Variants in BLOC1S5 observed in about 807,000 individuals in gnomAD.
The protein encoded by BLOC1S5 is biogenesis of lysosome-related organelles complex 1 subunit 5.
BLOC1S5 carries 27 observed loss-of-function variants against 24.3 expected under a neutral mutation model. The ratio of observed to expected loss-of-function variants is 1.11; its 90% CI spans 0.82 to 1.53. The LOEUF (loss-of-function observed/expected upper bound fraction) is 1.53. Among genes scored for constraint, BLOC1S5 ranks in the 40% most tolerant of loss-of-function variants. BLOC1S5 has a pLI of 0.00. For missense variants in BLOC1S5, 239 were observed against 229.4 expected, an observed-to-expected ratio of 1.04 and a Z score of -0.27; for synonymous variants, 84 against 74.5, an observed-to-expected ratio of 1.13 and a Z score of -0.66.
At chr6:8,026,332 G>T (rs1305887716) in intron 4 of BLOC1S5, 35 bp downstream of exon 4, 4 of 1,504,048 alleles carry the variant, frequency 2.7e-6, no homozygotes, top group East Asian at 4.5e-5. Context: ...AAAGATGCAA[G>T]AATTATATGC....
intron 4 of BLOC1S5, among the ~76,000 whole-genome samples, chr6:8,019,217 C>T (rs2057187): frequency 0.41 from 61,566 of 151,652 alleles, 13,937 homozygotes; most frequent in East Asian, 0.78. Flanking sequence ...AGTCACTCCA[C>T]GCTATCGTTT....
chr6:8,018,446 A>G (rs747299823), intron 4 of BLOC1S5, among the ~76,000 whole-genome samples: 19 of 152,358 alleles, frequency 1.2e-4, no homozygotes, highest in Admixed American at 2.6e-4. Flanking sequence ...ATGGAAAGTC[A>G]TCATTGGCTC....
intron 2 of BLOC1S5, among the ~76,000 whole-genome samples, chr6:8,053,674 C>T (rs777499831): frequency 6.6e-6 from 1 of 152,124 alleles, no homozygotes; most frequent in Non-Finnish European, 1.5e-5. Flanking sequence ...AGGCCTGTAA[C>T]CAAACCCACA....
intron 2 of BLOC1S5, among the ~76,000 whole-genome samples, chr6:8,052,406 C>T (rs1459474103): frequency 6.6e-6 from 1 of 152,178 alleles, no homozygotes; most frequent in African/African-American, 2.4e-5. Flanking sequence ...TGAAGACCTT[C>T]TGGAAAGGAT....
At chr6:8,044,708 G>C (rs1379792852) in intron 2 of BLOC1S5, among the ~76,000 whole-genome samples, 1 of 152,228 alleles carries the variant, frequency 6.6e-6, no homozygotes, top group Non-Finnish European at 1.5e-5. Context: ...GGTGACTCTT[G>C]TTATGCTTTA....
At chr6:8,052,803 G>C (rs770922942) in intron 2 of BLOC1S5, among the ~76,000 whole-genome samples, 14 of 151,966 alleles carry the variant, frequency 9.2e-5, no homozygotes, top group Non-Finnish European at 1.9e-4. Flanking sequence ...GCTGAGGGAG[G>C]AGAACGGCGT....
Position 8,015,407 on chromosome 6 carries a change from A to AT in BLOC1S5, c.*241dup, listed in dbSNP as rs2113500946. The AT allele has an allele frequency of 9.2e-6, 4 of 436,114 alleles. No homozygotes were observed. In the South Asian group the frequency reaches 1.5e-4, roughly 16 times the overall value. The allele number at this position is 436,114 out of a possible 1,614,324, so 27.0% of individuals were successfully genotyped here. ...GACTAACAAAGAGTATATTGATTCC[A>AT]TTTTCCTTCCTACTCCTCTTCATTC... On this transcript the variant is annotated 3_prime_UTR_variant, in exon 5 of 5. Coordinates refer to ENST00000397457, the MANE Select transcript of BLOC1S5 (RefSeq NM_201280.3).
intron 4 of BLOC1S5, among the ~76,000 whole-genome samples, chr6:8,017,000 G>A (rs1762763625): frequency 6.6e-6 from 1 of 151,488 alleles, no homozygotes; most frequent in Admixed American, 6.6e-5. Flanking sequence ...TGCTATATAA[G>A]GATGAAAGGT....
chr6:8,051,218 G>C (rs66981710), intron 2 of BLOC1S5, among the ~76,000 whole-genome samples: 1 of 151,480 alleles, frequency 6.6e-6, no homozygotes, highest in African/African-American at 2.4e-5. Flanking sequence ...GTGAACACAC[G>C]AATGATAAGA....
At chr6:8,027,622 T>G (rs1193394755) in intron 3 of BLOC1S5, among the ~76,000 whole-genome samples, 1 of 152,144 alleles carries the variant, frequency 6.6e-6, no homozygotes, top group Non-Finnish European at 1.5e-5. Flanking sequence ...TCACCTGAAG[T>G]CAGGAGTTCG....
rs535625940 is a variant in BLOC1S5, at chr6:8,026,935, T to C, written c.326-510A>G. Among the ~76,000 whole-genome samples, 190 of 152,330 alleles carry C rather than the reference T, an allele frequency of 1.2e-3. 2 individuals carry two copies. The South Asian group carries it at 0.021, about 17-fold the overall frequency. ...TATGTATTATCCCTCTTAATCCCAC[T>C]TTCCTATCAGGAAATGATCACTATT... is the stretch of plus-strand genomic sequence containing the variant. On this transcript the variant is annotated intron_variant, in intron 3 of 4. Coordinates refer to ENST00000397457, the MANE Select transcript of BLOC1S5 (RefSeq NM_201280.3).
chr6:8,019,028 A>G (rs1762830138), intron 4 of BLOC1S5, among the ~76,000 whole-genome samples: 1 of 152,250 alleles, frequency 6.6e-6, no homozygotes, highest in Admixed American at 6.5e-5. Context: ...GCCAAAGATC[A>G]GTATTTCTAT....
At chr6:8,026,752 T>TAA (rs1763121777) in intron 3 of BLOC1S5, among the ~76,000 whole-genome samples, 1 of 152,222 alleles carries the variant, frequency 6.6e-6, no homozygotes, top group Non-Finnish European at 1.5e-5. Context: ...AACAACTTTC[T>TAA]ACTATTCTTG....
At chr6:8,055,170 G>A (rs1764265951) in intron 2 of BLOC1S5, among the ~76,000 whole-genome samples, 1 of 152,156 alleles carries the variant, frequency 6.6e-6, no homozygotes, top group Admixed American at 6.5e-5. Flanking sequence ...GGTGGCTCAC[G>A]CCTGTAATCC....
Position 8,053,108 on chromosome 6 carries a change from A to G in BLOC1S5, c.195+9426T>C, listed in dbSNP as rs140194701. On this transcript the variant is annotated intron_variant, in intron 2 of 4. Coordinates refer to ENST00000397457, the MANE Select transcript of BLOC1S5 (RefSeq NM_201280.3). ...GGAAGAGTCGCACAACTCCCACTTT[A>G]ATCAAAAGCTAGAAATGATTACACT... Among the ~76,000 whole-genome samples, 99 of 152,330 alleles carry G rather than the reference A, an allele frequency of 6.5e-4. No individual in the cohort carries two copies. In the East Asian group the frequency reaches 0.014, roughly 21 times the overall value.
At position 8,016,667 on chromosome 6, in the gene BLOC1S5, G is replaced by A. The variant is rs544807085; in HGVS notation, c.385-839C>T. On this transcript the variant is annotated intron_variant, in intron 4 of 4. Coordinates refer to ENST00000397457, the MANE Select transcript of BLOC1S5 (RefSeq NM_201280.3). ...AGATCACCTGAGGTCAGGAGTTCAAGTCCAGTCTGGCCAACATGGCAGAAC... is the reference window on the plus strand; with the variant it reads ...AGATCACCTGAGGTCAGGAGTTCAAATCCAGTCTGGCCAACATGGCAGAAC... Among the ~76,000 whole-genome samples, 3 of 152,076 alleles carry A rather than the reference G, an allele frequency of 2.0e-5. No individual in the cohort carries two copies. In the South Asian group the frequency reaches 6.3e-4, roughly 32 times the overall value.
At chr6:8,032,617 T>C (rs1475219198) in intron 3 of BLOC1S5, among the ~76,000 whole-genome samples, 11 of 152,112 alleles carry the variant, frequency 7.2e-5, no homozygotes, top group Admixed American at 7.2e-4. Context: ...GTGTTGAAAG[T>C]TCTGGTCAGG....
intron 3 of BLOC1S5, among the ~76,000 whole-genome samples, chr6:8,033,501 G>A (rs1338548712): frequency 6.6e-6 from 1 of 152,082 alleles, no homozygotes; most frequent in African/African-American, 2.4e-5. Flanking sequence ...AGACTTAAAC[G>A]TTAGACCTAA....
chr6:8,034,297 C>T (rs572836326), intron 3 of BLOC1S5, among the ~76,000 whole-genome samples: 6 of 152,246 alleles, frequency 3.9e-5, no homozygotes, highest in African/African-American at 1.4e-4. Flanking sequence ...TACTATGCAG[C>T]CATAAAAAAG....
Sources: gnomAD v4.1 joint callset for allele counts (sites outside exome capture counted in the v4.1 genomes callset) on GRCh38, gnomAD v4.1.1 for gene constraint, MANE v1.5 for transcripts, NCBI Gene and HGNC (gene_info 2026-07-23, HGNC 2026-07-21) for gene names.